EPB41L2: variants seen among roughly 807,000 people sequenced by gnomAD.
EPB41L2 encodes band 4.1-like protein 2.
A neutral mutation model predicts 113.0 loss-of-function variants in EPB41L2; 43 were observed. That is an observed-to-expected ratio of 0.38 (90% confidence interval 0.30 to 0.49). EPB41L2 has a LOEUF of 0.49. Among genes scored for constraint, EPB41L2 ranks in the 20% least tolerant of loss-of-function variants. The pLI, the probability that EPB41L2 is intolerant of heterozygous loss-of-function variation, is 0.95. For missense variants in EPB41L2, 1,147 were observed against 1,223.4 expected, an observed-to-expected ratio of 0.94 and a Z score of 0.93; for synonymous variants, 442 against 436.7, an observed-to-expected ratio of 1.01 and a Z score of -0.15.
chr6:130,935,897 CA>C (rs1222705084), intron 3 of EPB41L2, among the ~76,000 whole-genome samples: 4 of 152,234 alleles, frequency 2.6e-5, no homozygotes, highest in African/African-American at 9.6e-5. Context: ...TCTAGCTCCA[CA>C]ACAAACCCAA....
chr6:130,908,955 C>A, intron 4 of EPB41L2, 92 bp from the exon 5 acceptor site: 10 of 1,032,710 alleles, frequency 9.7e-6, no homozygotes, highest in Non-Finnish European at 1.4e-5. Context: ...AGTGTAAACA[C>A]ATTTTAATAA....
At chr6:130,985,293 T>TA (rs1376225584) in intron 1 of EPB41L2, among the ~76,000 whole-genome samples, 2 of 151,956 alleles carry the variant, frequency 1.3e-5, no homozygotes, top group African/African-American at 4.8e-5. Context: ...CTCAGCCACA[T>TA]TTGGGGGGGG....
At chr6:131,024,555 A>G (rs1051589920) in intron 1 of EPB41L2, among the ~76,000 whole-genome samples, 10 of 152,238 alleles carry the variant, frequency 6.6e-5, no homozygotes, top group South Asian at 2.1e-4. Context: ...ACCAGCACAC[A>G]GTAATTTATT....
intron 4 of EPB41L2, among the ~76,000 whole-genome samples, chr6:130,917,722 C>T (rs558899145): frequency 4.6e-5 from 7 of 152,304 alleles, no homozygotes; most frequent in African/African-American, 1.7e-4. Context: ...GTCTGCCTTA[C>T]CATTTTAACA....
intron 12 of EPB41L2, among the ~76,000 whole-genome samples, chr6:130,884,057 GGGCTCAGT>G (rs1217461105): frequency 6.6e-6 from 1 of 152,084 alleles, no homozygotes; most frequent in Non-Finnish European, 1.5e-5. Context: ...CTATACGGCC[GGGCTCAGT>G]GGCTCATACC....
Position 130,861,060 on chromosome 6 carries a change from T to C in EPB41L2, c.2910+2578A>G, listed in dbSNP as rs1781853674. Among the ~76,000 whole-genome samples, 2 of 152,032 alleles carry C rather than the reference T, an allele frequency of 1.3e-5. 1 individual carries two copies. The highest frequency in any genetic ancestry group is 4.2e-4 in the South Asian group (2 of 4,808). On this transcript the variant is annotated intron_variant, in intron 18 of 19. Coordinates refer to ENST00000337057, the MANE Select transcript of EPB41L2 (RefSeq NM_001431.4). The stretch of plus-strand genomic sequence containing the variant: ...GTGAAAGTGTCCTTCCATTTTAAGA[T>C]GCCTTTTTTATTTTTAATTTTTTTA...
At chr6:131,056,176 A>G (rs971273368) in intron 1 of EPB41L2, among the ~76,000 whole-genome samples, 3 of 152,358 alleles carry the variant, frequency 2.0e-5, no homozygotes, top group Non-Finnish European at 4.4e-5. Context: ...TCACACAAAG[A>G]TTTATAAAGG....
intron 11 of EPB41L2, among the ~76,000 whole-genome samples, chr6:130,888,095 G>C (rs73775333): frequency 0.013 from 2,028 of 152,010 alleles, 41 homozygotes; most frequent in South Asian, 0.039. Context: ...AAAGTAAACA[G>C]GAAAAAGAAA....
intron 1 of EPB41L2, among the ~76,000 whole-genome samples, chr6:131,029,903 CTTT>C (rs1234856068): frequency 7.1e-6 from 1 of 140,052 alleles, no homozygotes. Context: ...CTCTTTTTTT[CTTT>C]TTTTTTTTTT....
At chr6:130,937,607 T>C (rs1213098611) in intron 3 of EPB41L2, among the ~76,000 whole-genome samples, 1 of 152,066 alleles carries the variant, frequency 6.6e-6, no homozygotes, top group Non-Finnish European at 1.5e-5. Context: ...GACCGTGAGG[T>C]CAGGAGTTCA....
At chr6:130,929,382 T>C (rs1258854838) in intron 3 of EPB41L2, among the ~76,000 whole-genome samples, 1 of 152,186 alleles carries the variant, frequency 6.6e-6, no homozygotes, top group Non-Finnish European at 1.5e-5. Context: ...CGGATGTTTA[T>C]AGAGACTGAG....
chr6:130,942,111 C>T (rs376865126), intron 3 of EPB41L2, among the ~76,000 whole-genome samples: 2 of 152,294 alleles, frequency 1.3e-5, no homozygotes, highest in Admixed American at 6.5e-5. Flanking sequence ...GCTCCAAATG[C>T]TGGCATATTA....
At chr6:130,843,255 A>G (rs1010768881) in intron 19 of EPB41L2, among the ~76,000 whole-genome samples, 1 of 152,334 alleles carries the variant, frequency 6.6e-6, no homozygotes, top group Middle Eastern at 3.4e-3. Flanking sequence ...AGCATCAGAA[A>G]TACTGTACTT....
intron 4 of EPB41L2, among the ~76,000 whole-genome samples, 181 bp from the exon 5 acceptor site, chr6:130,909,044 T>C (rs1408816723): frequency 6.6e-6 from 1 of 152,242 alleles, no homozygotes; most frequent in African/African-American, 2.4e-5. Flanking sequence ...CATATGTGTG[T>C]AAATGTGGTA....
At position 130,869,581 on chromosome 6, in the gene EPB41L2, T is replaced by C. The variant is rs749065051; in HGVS notation, c.2589A>G (p.Gln863=). The change falls in exon 15 of 20, where the codon CAA becomes CAG. Residue 863 remains glutamine (Q), a synonymous_variant. Coordinates refer to ENST00000337057, the MANE Select transcript of EPB41L2 (RefSeq NM_001431.4). ...CATTTACCTCTGAACAACAAATAAT[T>C]TGTGGCAAAACATCAATGTCAACAT... ...VSHVDIDVLP[Q]IICCSEPPVV... is the part of the protein sequence containing the mutation. The C allele has an allele frequency of 1.2e-6, 2 of 1,614,070 alleles. No individual in the cohort carries two copies. The highest frequency in any genetic ancestry group is 1.7e-5 in the Admixed American group (1 of 60,016).
intron 1 of EPB41L2, among the ~76,000 whole-genome samples, chr6:131,048,879 T>C (rs1796003648): frequency 6.6e-6 from 1 of 151,672 alleles, no homozygotes; most frequent in South Asian, 2.1e-4. Flanking sequence ...TAACCAAACA[T>C]GGCTTTAAAA....
At chr6:130,887,477 T>C (rs1444530257) in intron 11 of EPB41L2, among the ~76,000 whole-genome samples, 1 of 152,226 alleles carries the variant, frequency 6.6e-6, no homozygotes. Context: ...AATGGTTTCC[T>C]AGAGCATATG....
intron 1 of EPB41L2, among the ~76,000 whole-genome samples, chr6:130,994,459 G>A (rs1471753661): frequency 6.6e-6 from 1 of 152,144 alleles, no homozygotes; most frequent in Admixed American, 6.5e-5. Flanking sequence ...TGACACATAG[G>A]CTAGATAGAA....
chr6:130,857,470 T>C (rs1233393497), intron 19 of EPB41L2, among the ~76,000 whole-genome samples: 1 of 152,284 alleles, frequency 6.6e-6, no homozygotes, highest in East Asian at 1.9e-4. Context: ...TTTGTTTCTA[T>C]TGGCTTAACT....
Sources: gnomAD v4.1 joint callset for allele counts (sites outside exome capture counted in the v4.1 genomes callset) on GRCh38, gnomAD v4.1.1 for gene constraint, MANE v1.5 for transcripts, NCBI Gene and HGNC (gene_info 2026-07-23, HGNC 2026-07-21) for gene names.